The following EFCAB12 variants were observed in gnomAD, a reference collection of about 807,000 sequenced individuals.
EFCAB12 encodes the protein EF-hand calcium binding domain 12, also known as EF-hand calcium-binding domain-containing protein 12.
EFCAB12 carries 43 observed loss-of-function variants against 53.6 expected under a neutral mutation model. That is an observed-to-expected ratio of 0.80 (90% CI 0.63 to 1.03). The LOEUF (loss-of-function observed/expected upper bound fraction) is 1.03. Among genes scored for constraint, EFCAB12 ranks in the 50% least tolerant of loss-of-function variants. The pLI is 0.00. For synonymous variants in EFCAB12, 269 were observed against 289.2 expected, an observed-to-expected ratio of 0.93 and a Z score of 0.71; for missense variants, 646 against 730.6, an observed-to-expected ratio of 0.88 and a Z score of 1.34.
chr3:129,404,984 T>G (rs1191614483), intron 6 of EFCAB12, among the ~76,000 whole-genome samples: 1 of 152,148 alleles, frequency 6.6e-6, no homozygotes, highest in Non-Finnish European at 1.5e-5. Context: ...GGCTGATTTC[T>G]TAAATTTTTA....
At chr3:129,403,888 C>T (rs1434113902) in intron 7 of EFCAB12, 1 of 166,994 alleles carries the variant, frequency 6.0e-6, no homozygotes, top group East Asian at 1.6e-4. Context: ...AGGGCTGCCC[C>T]CTGTTCTCTG....
At chr3:129,424,158 C>T (rs1375413422) in intron 1 of EFCAB12, among the ~76,000 whole-genome samples, 1 of 149,612 alleles carries the variant, frequency 6.7e-6, no homozygotes, top group Non-Finnish European at 1.5e-5. Context: ...CCTGTGTCCT[C>T]GGTGCCCAGC....
chr3:129,420,523 C>T (rs1242901389), intron 2 of EFCAB12, among the ~76,000 whole-genome samples: 1 of 152,188 alleles, frequency 6.6e-6, no homozygotes, highest in Non-Finnish European at 1.5e-5. Flanking sequence ...TCTATTTCCA[C>T]ATTTGTAAAA....
In EFCAB12 at chr3:129,428,560, G is replaced by T. The variant is rs1051626876; in HGVS notation, c.-72C>A. 2.6e-6 allele frequency: 4 copies of T among 1,543,708 alleles called. No individual in the cohort carries two copies. The highest frequency in any genetic ancestry group is 3.5e-6 in the Non-Finnish European group (4 of 1,136,106). On this transcript the variant is annotated 5_prime_UTR_variant, in exon 1 of 9. Transcript: ENST00000505956. ...GTCGATGTGGGCTTGCTTGCGTAGG[G>T]GTACCGGGGTATCAGATAAACCGTA...
chr3:129,411,390 C>T, intron 4 of EFCAB12, 36 bp from the exon 5 acceptor site: 1 of 1,526,482 alleles, frequency 6.6e-7, no homozygotes. Flanking sequence ...GAAGGAGGGA[C>T]TAAGAGGGTG....
intron 4 of EFCAB12, 134 bp downstream of exon 4, chr3:129,415,111 T>C: frequency 2.6e-6 from 3 of 1,156,042 alleles, no homozygotes; most frequent in South Asian, 3.9e-5. Context: ...TTCCAGAGGC[T>C]TGGCCAAACC....
chr3:129,411,055 C>T, intron 5 of EFCAB12, 103 bp downstream of exon 5: 1 of 1,317,330 alleles, frequency 7.6e-7, no homozygotes, highest in Non-Finnish European at 1.0e-6. Context: ...CGAAGACCCC[C>T]CTCCCCAGGG....
rs1330813425 is a variant in EFCAB12, at chr3:129,401,569, G to A, written c.*24C>T. ...CACTGGCCCCTGGCCCAGGAAGGCT[G>A]GGTCCGGCAACACCTGGCTAGCTCT... On this transcript the variant is annotated 3_prime_UTR_variant, in exon 9 of 9. Transcript: ENST00000505956. 5.3e-6 allele frequency: 8 copies of A among 1,496,504 alleles called. No individual in the cohort carries two copies. The highest frequency in any genetic ancestry group is 7.2e-6 in the Non-Finnish European group (8 of 1,114,418). The allele number at this position is 1,496,504 out of a possible 1,614,324, so 92.7% of individuals were successfully genotyped here.
intron 1 of EFCAB12, among the ~76,000 whole-genome samples, chr3:129,425,723 T>C (rs1577054317): frequency 1.3e-5 from 2 of 152,230 alleles, no homozygotes; most frequent in Non-Finnish European, 2.9e-5. Flanking sequence ...TGTGTAGTTA[T>C]GGGTAGAGAC....
Position 129,408,819 on chromosome 3 carries a change from G to A in EFCAB12, c.1075C>T (p.Leu359=), listed in dbSNP as rs755077126. The change falls in exon 6 of 9, where the codon CTG becomes TTG. Residue 359 remains leucine (L), a synonymous_variant. Coordinates refer to ENST00000505956, the MANE Select transcript of EFCAB12 (RefSeq NM_207307.3). The part of the protein sequence containing the change: ...PSIQYTEQCH[L]VRCGNRHFDE... The stretch of plus-strand genomic sequence containing the variant: ...AAGTGCCGATTCCCACAGCGCACCA[G>A]GTGACATTGCTCCGTGTACTGGATG... 2 of 1,576,910 alleles carry A rather than the reference G, an allele frequency of 1.3e-6. No individual in the cohort carries two copies. Among genetic ancestry groups the A allele is most frequent in the South Asian group, 2.3e-5 (2 of 85,684 alleles).
In EFCAB12 at chr3:129,418,435, C is replaced by G; in HGVS notation, c.500G>C (p.Arg167Thr). 6.2e-7 allele frequency: 1 copy of G among 1,607,714 alleles called. No homozygotes were observed. The highest frequency in any genetic ancestry group is 8.5e-7 in the Non-Finnish European group (1 of 1,176,950). The change falls in exon 3 of 9, where the codon AGG becomes ACG. Residue 167 changes from arginine (R) to threonine (T), a missense_variant. Coordinates refer to ENST00000505956, the MANE Select transcript of EFCAB12 (RefSeq NM_207307.3). ...TTRTTRKKAPRLSRLSRQMVP... is the reference protein window; with the variant it reads ...TTRTTRKKAPTLSRLSRQMVP... ...CATCTGGCGGGACAGCCGGGAGAGC[C>G]TGGGGGCTTTCTTCTGGAAGAGGTG... is the stretch of plus-strand genomic sequence containing the variant.
At chr3:129,417,324 A>C (rs1245167645) in intron 3 of EFCAB12, among the ~76,000 whole-genome samples, 5 of 110,608 alleles carry the variant, frequency 4.5e-5, no homozygotes, top group African/African-American at 2.5e-4. Flanking sequence ...ACTCTGCCTC[A>C]AAAAAAAAAA....
rs929627369 is a variant in EFCAB12, at chr3:129,410,180, A to T, written c.1035+978T>A. On this transcript the variant is annotated intron_variant, in intron 5 of 8. Coordinates refer to ENST00000505956, the MANE Select transcript of EFCAB12 (RefSeq NM_207307.3). Reference sequence around the variant, plus strand: ...ATGCCACCATGCTGGCTAATTTTTTAAAAATTTTGTGTAGAGACGGGGCCT... The same window carrying T: ...ATGCCACCATGCTGGCTAATTTTTTTAAAATTTTGTGTAGAGACGGGGCCT... Among the ~76,000 whole-genome samples, 11 of 151,220 alleles carry T rather than the reference A, an allele frequency of 7.3e-5. No individual in the cohort carries two copies. The East Asian group carries it at 1.4e-3, about 19-fold the overall frequency.
At chr3:129,426,822 G>A (rs897408817) in intron 1 of EFCAB12, among the ~76,000 whole-genome samples, 19 of 149,412 alleles carry the variant, frequency 1.3e-4, no homozygotes, top group Non-Finnish European at 2.5e-4. Flanking sequence ...GACTACAGGT[G>A]CATGCCATTA....
At position 129,401,330 on chromosome 3, in the gene EFCAB12, A is replaced by G. The variant is rs760214806; in HGVS notation, c.*263T>C. ...TCAGCTGGGTCACAGGTGAAATGAG[A>G]AAAACTCCAACCTGCTTTATGTAGA... On this transcript the variant is annotated 3_prime_UTR_variant, in exon 9 of 9. Transcript: ENST00000505956. 1.0e-5 allele frequency: 4 copies of G among 389,490 alleles called. No individual in the cohort carries two copies. Among genetic ancestry groups the G allele is most frequent in the African/African-American group, 2.0e-5 (1 of 49,030 alleles). 24.1% of individuals were successfully genotyped at this position (389,490 alleles called of 1,614,324 possible).
chr3:129,404,358 A>G lies in EFCAB12; in HGVS notation c.1295T>C (p.Val432Ala). Reference protein sequence around the residue: ...GDKIIFQMDKVCPIRQPGGYY... With the variant: ...GDKIIFQMDKACPIRQPGGYY... ...GCCTCCCGGCTGCCGGATGGGGCAC[A>G]CTTTGTCCATCTGGAAAATGATCTT... The change falls in exon 7 of 9, where the codon GTG becomes GCG. Residue 432 changes from valine (V) to alanine (A), a missense_variant. Val to Ala is a moderately conservative substitution (Grantham distance 64). Coordinates refer to ENST00000505956, the MANE Select transcript of EFCAB12 (RefSeq NM_207307.3). 1.2e-6 allele frequency: 2 copies of G among 1,613,830 alleles called. No homozygotes were observed. Among genetic ancestry groups the G allele is most frequent in the South Asian group, 1.1e-5 (1 of 91,082 alleles).
rs567668180 is a variant in EFCAB12 at position 129,402,504 on chromosome 3, T to G, written c.1460+19A>C. On this transcript the variant is annotated intron_variant, in intron 8 of 8. Coordinates refer to ENST00000505956, the MANE Select transcript of EFCAB12 (RefSeq NM_207307.3). The stretch of plus-strand genomic sequence containing the variant: ...CCTCCCACCTTCCTTCCTTGTGGAG[T>G]TAGATGATTGCCACAGACCTGGTAA... The G allele has an allele frequency of 1.9e-6, 3 of 1,609,414 alleles. No homozygotes were observed. Among genetic ancestry groups the G allele is most frequent in the Admixed American group, 3.4e-5 (2 of 59,394 alleles).
At chr3:129,413,231 C>T (rs1194883381) in intron 4 of EFCAB12, 3 of 140,352 alleles carry the variant, frequency 2.1e-5, no homozygotes, top group African/African-American at 5.4e-5. Context: ...GCAGGAGCAC[C>T]GTCATCTGGG....
chr3:129,416,767 A>C (rs768392695), intron 3 of EFCAB12, among the ~76,000 whole-genome samples: 2 of 151,860 alleles, frequency 1.3e-5, no homozygotes, highest in Non-Finnish European at 2.9e-5. Context: ...CTCCCATCTG[A>C]CCCTCCCATG....
Sources: allele counts gnomAD v4.1 joint callset (sites outside exome capture counted in the v4.1 genomes callset), GRCh38; gene constraint gnomAD v4.1.1; transcripts MANE v1.5; gene names NCBI Gene and HGNC (gene_info 2026-07-23, HGNC 2026-07-21).